The following EPC1 variants were observed in gnomAD, a reference collection of about 807,000 sequenced individuals.
EPC1 encodes the protein enhancer of polycomb 1, also known as enhancer of polycomb homolog 1.
Under a neutral mutation model 98.4 loss-of-function variants are expected in EPC1, and 12 were observed. The observed-to-expected ratio is 0.12, with a 90% confidence interval of 0.08 to 0.20. EPC1 has a LOEUF of 0.20. EPC1 is among the 10% of genes least tolerant of loss of function. The pLI is 1.00. For synonymous variants in EPC1, 357 were observed against 363.9 expected (o/e 0.98, Z 0.21); for missense variants, 729 against 990.5 (o/e 0.74, Z 3.54).
At chr10:32,318,906 C>T (rs1372344689) in intron 1 of EPC1, among the ~76,000 whole-genome samples, 1 of 152,140 alleles carries the variant, frequency 6.6e-6, no homozygotes, top group African/African-American at 2.4e-5. Context: ...CTTTATTTGC[C>T]TCCCTGGTGA....
chr10:32,309,770 T>C (rs1836098965), intron 1 of EPC1, among the ~76,000 whole-genome samples: 1 of 148,938 alleles, frequency 6.7e-6, no homozygotes, highest in African/African-American at 2.5e-5. Context: ...AATTTCCCAC[T>C]CATACTTTTT....
rs1414760445 is a variant in EPC1 at position 32,335,068 on chromosome 10, T to A, written c.153+11695A>T. On this transcript the variant is annotated intron_variant, in intron 1 of 13. Transcript: ENST00000319778. ...GTACTCCTTGGAGTTCAAGCGGTCATCACTTTCTACTTAGTGGAGCTGCCC... is the reference window on the plus strand; with the variant it reads ...GTACTCCTTGGAGTTCAAGCGGTCAACACTTTCTACTTAGTGGAGCTGCCC... Among the ~76,000 whole-genome samples, 23 of 152,204 alleles carry A rather than the reference T, an allele frequency of 1.5e-4. 1 individual carries two copies. Among genetic ancestry groups the A allele is most frequent in the Admixed American group, 1.5e-3 (23 of 15,282 alleles).
intron 1 of EPC1, among the ~76,000 whole-genome samples, chr10:32,327,062 G>C (rs866470700): frequency 1.7e-4 from 24 of 142,358 alleles, no homozygotes; most frequent in East Asian, 4.2e-4. Flanking sequence ...AAAATGTGGT[G>C]ACACACACAC....
intron 1 of EPC1, among the ~76,000 whole-genome samples, chr10:32,364,187 T>C (rs990677382): frequency 2.2e-5 from 3 of 134,842 alleles, no homozygotes; most frequent in African/African-American, 7.6e-5. Context: ...CTAATTTTTG[T>C]ATTTTTAGTA....
intron 1 of EPC1, among the ~76,000 whole-genome samples, chr10:32,360,809 G>A (rs1367676674): frequency 6.6e-6 from 1 of 151,780 alleles, no homozygotes; most frequent in Non-Finnish European, 1.5e-5. Context: ...CAGGAGAATT[G>A]CTTGAACCCA....
intron 1 of EPC1, among the ~76,000 whole-genome samples, chr10:32,360,767 G>A (rs1040887020): frequency 6.6e-5 from 10 of 152,020 alleles, no homozygotes; most frequent in South Asian, 2.1e-4. Context: ...AGTGGCCTGC[G>A]CCTGTAGTCC....
Position 32,286,853 on chromosome 10 carries a change from A to C in EPC1, c.1243-11T>G. On this transcript the variant is annotated splice_polypyrimidine_tract_variant and intron_variant, in intron 8 of 13. Coordinates refer to ENST00000319778, the MANE Select transcript of EPC1 (RefSeq NM_001272004.3). Reference sequence around the variant, plus strand: ...TTGGTCTAAGTGAGGCTTAAAAAAAAAAATCCAAATTATTTAATTTTGTCA... The same window carrying C: ...TTGGTCTAAGTGAGGCTTAAAAAAACAAATCCAAATTATTTAATTTTGTCA... The C allele has an allele frequency of 6.2e-7, 1 of 1,606,882 alleles. No homozygotes were observed. Among genetic ancestry groups the C allele is most frequent in the Non-Finnish European group, 8.5e-7 (1 of 1,178,122 alleles).
chr10:32,297,731 A>T (rs1835254661), intron 2 of EPC1, among the ~76,000 whole-genome samples: 1 of 152,204 alleles, frequency 6.6e-6, no homozygotes, highest in South Asian at 2.1e-4. Flanking sequence ...AGTATACCAT[A>T]ACTGCCATGT....
At chr10:32,321,819 G>C (rs1316287871) in intron 1 of EPC1, among the ~76,000 whole-genome samples, 1 of 151,648 alleles carries the variant, frequency 6.6e-6, no homozygotes. Context: ...GTCTTCTTCT[G>C]CCTTCCCCAT....
At chr10:32,314,938 C>T (rs1240077789) in intron 1 of EPC1, among the ~76,000 whole-genome samples, 1 of 152,226 alleles carries the variant, frequency 6.6e-6, no homozygotes, top group Non-Finnish European at 1.5e-5. Flanking sequence ...GATCTTTTCT[C>T]TACTTCTCCT....
chr10:32,309,284 A>G (rs1394694598), intron 1 of EPC1, among the ~76,000 whole-genome samples: 1 of 152,166 alleles, frequency 6.6e-6, no homozygotes, highest in Non-Finnish European at 1.5e-5. Context: ...GTAGAATTGG[A>G]AAGTTCCTAA....
chr10:32,336,403 C>T (rs117960297), intron 1 of EPC1, among the ~76,000 whole-genome samples: 2,811 of 152,116 alleles, frequency 0.018, 32 homozygotes, highest in Non-Finnish European at 0.03. Flanking sequence ...TCCCTGTCTT[C>T]CTCCTTTCTA....
At chr10:32,348,747 G>A (rs1029111693), upstream of EPC1, among the ~76,000 whole-genome samples, 1 of 152,134 alleles carries the variant, frequency 6.6e-6, no homozygotes, top group African/African-American at 2.4e-5. Flanking sequence ...AGGGCTCCTG[G>A]AGGAGCTTAC....
intron 1 of EPC1, among the ~76,000 whole-genome samples, chr10:32,323,414 A>G (rs1374889446): frequency 6.6e-6 from 1 of 152,248 alleles, no homozygotes; most frequent in Non-Finnish European, 1.5e-5. Flanking sequence ...TAATTACCAC[A>G]GCAGTATTTC....
At chr10:32,360,842 C>T (rs746158254) in intron 1 of EPC1, among the ~76,000 whole-genome samples, 10 of 150,870 alleles carry the variant, frequency 6.6e-5, no homozygotes, top group Non-Finnish European at 7.4e-5. Context: ...TGCAGTGAGC[C>T]GAGATCGCGC....
intron 1 of EPC1, among the ~76,000 whole-genome samples, chr10:32,342,196 C>T (rs1838405893): frequency 6.6e-6 from 1 of 152,174 alleles, no homozygotes; most frequent in Non-Finnish European, 1.5e-5. Flanking sequence ...ATTGAGATTT[C>T]ATGTATTTCT....
chr10:32,291,005 G>A (rs1008719913), intron 6 of EPC1, among the ~76,000 whole-genome samples, 158 bp downstream of exon 6: 1 of 152,124 alleles, frequency 6.6e-6, no homozygotes, highest in African/African-American at 2.4e-5. Context: ...CCGAACTCCT[G>A]ACCTCAGGTG....
upstream of EPC1, among the ~76,000 whole-genome samples, chr10:32,348,405 T>G (rs1407009584): frequency 6.6e-6 from 1 of 152,118 alleles, no homozygotes; most frequent in East Asian, 1.9e-4. Flanking sequence ...ACAAAAATGT[T>G]TTGAGTTGCT....
chr10:32,271,641 A>G lies in EPC1; in HGVS notation c.2282T>C (p.Val761Ala). 2 of 1,614,208 alleles carry G rather than the reference A, an allele frequency of 1.2e-6. No homozygotes were observed. Among genetic ancestry groups the G allele is most frequent in the Middle Eastern group, 3.3e-4 (2 of 6,062 alleles). ...ARHIPRTLSA[V>A]PSSALKLAAA... is the part of the protein sequence containing the mutation. ...GGCCAGCTTTAAGGCAGATGATGGA[A>G]CAGCACTTAAAGTCCTAGGTATATG... The change falls in exon 13 of 14, where the codon GTT (valine) becomes GCT (alanine). Residue 761 changes from valine (V) to alanine (A), a missense_variant. Physicochemically the swap from Val to Ala is moderately conservative, Grantham distance 64. Around this residue, in one of 6 missense-constraint regions of EPC1, gnomAD observed 156 missense variants for 188.9 expected, o/e 0.83. Coordinates refer to ENST00000319778, the MANE Select transcript of EPC1 (RefSeq NM_001272004.3).
Sources: allele counts gnomAD v4.1 joint callset (sites outside exome capture counted in the v4.1 genomes callset), GRCh38; gene constraint gnomAD v4.1.1; regional missense constraint gnomAD v4.1.1; transcripts MANE v1.5; gene names NCBI Gene and HGNC (gene_info 2026-07-23, HGNC 2026-07-21).